Variants in SUSD5 observed in about 807,000 individuals in gnomAD.
The protein encoded by SUSD5 is sushi domain-containing protein 5.
A neutral mutation model predicts 29.5 loss-of-function variants in SUSD5; 33 were observed. The ratio of observed to expected loss-of-function variants is 1.12; its 90% confidence interval spans 0.85 to 1.49. The LOEUF is 1.49. SUSD5 is among the 40% of genes most tolerant of loss of function. The pLI, the probability that SUSD5 is intolerant of heterozygous loss-of-function variation, is 0.00. For synonymous variants in SUSD5, 308 were observed against 325.3 expected, an observed-to-expected ratio of 0.95 and a Z score of 0.57; for missense variants, 776 against 800.6, an observed-to-expected ratio of 0.97 and a Z score of 0.37.
chr3:33,170,713 C>G (rs1278844180), intron 4 of SUSD5, among the ~76,000 whole-genome samples: 2 of 152,224 alleles, frequency 1.3e-5, no homozygotes, highest in Non-Finnish European at 2.9e-5. Context: ...GAAAGGCCAG[C>G]TGCCGGTCTC....
Position 33,153,612 on chromosome 3 carries a change from G to A in SUSD5, c.1020C>T (p.Tyr340=), listed in dbSNP as rs376105657. 34 of 1,613,858 alleles carry A rather than the reference G, an allele frequency of 2.1e-5. No homozygotes were observed. Among genetic ancestry groups the A allele is most frequent in the Admixed American group, 3.3e-5 (2 of 60,000 alleles). ...GCCCCGAGGGACCATCAGTGTTGCC[G>A]TAGATCACCTTGGTTTCAGGTTCAC... ...VPGEPETKVI[Y]GNTDGPSGPF... Residue 340 remains tyrosine, a synonymous_variant, in exon 5 of 5, where the codon TAC becomes TAT. Coordinates refer to ENST00000309558, the MANE Select transcript of SUSD5 (RefSeq NM_015551.2).
intron 3 of SUSD5, among the ~76,000 whole-genome samples, chr3:33,192,211 C>T (rs112885716): frequency 6.0e-5 from 9 of 151,000 alleles, no homozygotes; most frequent in African/African-American, 2.2e-4. Context: ...GTAGCTGGGA[C>T]TACAGGCATG....
At chr3:33,205,725 G>A (rs1211791589) in intron 3 of SUSD5, among the ~76,000 whole-genome samples, 2 of 152,212 alleles carry the variant, frequency 1.3e-5, no homozygotes, top group Non-Finnish European at 2.9e-5. Flanking sequence ...AGTTGCCCTT[G>A]TCACCCAAGC....
At chr3:33,154,731 C>T (rs1421760622) in intron 4 of SUSD5, among the ~76,000 whole-genome samples, 1 of 151,824 alleles carries the variant, frequency 6.6e-6, no homozygotes, top group Non-Finnish European at 1.5e-5. Context: ...ATGTTCAAGA[C>T]TTCTACATGG....
intron 3 of SUSD5, among the ~76,000 whole-genome samples, chr3:33,185,426 G>A (rs1447723846): frequency 6.6e-6 from 1 of 152,228 alleles, no homozygotes; most frequent in African/African-American, 2.4e-5. Context: ...TCCCCCTGGA[G>A]TTTTTAACTC....
At chr3:33,164,030 C>T (rs547565918) in intron 4 of SUSD5, among the ~76,000 whole-genome samples, 82 of 151,588 alleles carry the variant, frequency 5.4e-4, no homozygotes, top group African/African-American at 1.9e-3. Context: ...AAAAATTACC[C>T]GGGTGTGGTT....
At chr3:33,156,988 C>T (rs1037937525) in intron 4 of SUSD5, among the ~76,000 whole-genome samples, 1 of 152,192 alleles carries the variant, frequency 6.6e-6, no homozygotes, top group African/African-American at 2.4e-5. Flanking sequence ...CCAATCACAC[C>T]CCATTGTGTC....
At position 33,153,618 on chromosome 3, in the gene SUSD5, C is replaced by G. The variant is rs749142647; in HGVS notation, c.1014G>C (p.Val338=). The change falls in exon 5 of 5, where the codon GTG becomes GTC. Residue 338 remains valine (V), a synonymous_variant. Coordinates refer to ENST00000309558, the MANE Select transcript of SUSD5 (RefSeq NM_015551.2). Reference sequence around the variant, plus strand: ...AGGGACCATCAGTGTTGCCGTAGATCACCTTGGTTTCAGGTTCACCTGGGA... The same window carrying G: ...AGGGACCATCAGTGTTGCCGTAGATGACCTTGGTTTCAGGTTCACCTGGGA... ...KLVPGEPETK[V]IYGNTDGPSG... is the part of the protein sequence containing the mutation. 1.2e-6 allele frequency: 2 copies of G among 1,613,940 alleles called. No homozygotes were observed. Among genetic ancestry groups the G allele is most frequent in the African/African-American group, 2.7e-5 (2 of 74,936 alleles).
chr3:33,216,933 G>A (rs2032437512), intron 1 of SUSD5, among the ~76,000 whole-genome samples: 1 of 152,298 alleles, frequency 6.6e-6, no homozygotes, highest in East Asian at 1.9e-4. Flanking sequence ...ATTGTCCACT[G>A]AGGAAGTGGG....
chr3:33,218,647 A>T, intron 1 of SUSD5, 39 bp downstream of exon 1: 1 of 1,242,460 alleles, frequency 8.0e-7, no homozygotes, highest in African/African-American at 1.6e-5. Flanking sequence ...CCCGGACCCC[A>T]CGCTCCACCC....
chr3:33,191,892 C>T (rs1575539388), intron 3 of SUSD5, among the ~76,000 whole-genome samples: 1 of 152,148 alleles, frequency 6.6e-6, no homozygotes, highest in Admixed American at 6.5e-5. Context: ...GAGCTATGAT[C>T]AAGCCACTGT....
intron 1 of SUSD5, 144 bp downstream of exon 1, chr3:33,218,542 C>T (rs1169724081): frequency 4.1e-6 from 3 of 739,322 alleles, no homozygotes; most frequent in Non-Finnish European, 5.6e-6. Flanking sequence ...GATGCTGGGT[C>T]GCAGGACCGC....
At chr3:33,168,330 G>T (rs1313278079) in intron 4 of SUSD5, among the ~76,000 whole-genome samples, 2 of 152,084 alleles carry the variant, frequency 1.3e-5, no homozygotes, top group Non-Finnish European at 2.9e-5. Context: ...AATAACTACT[G>T]GTTCAATAAA....
intron 3 of SUSD5, among the ~76,000 whole-genome samples, chr3:33,196,789 C>T (rs543807244): frequency 6.6e-6 from 1 of 152,272 alleles, no homozygotes; most frequent in East Asian, 1.9e-4. Flanking sequence ...AGGCAGGGCA[C>T]CCTAACATGA....
chr3:33,175,194 C>G lies in SUSD5; in HGVS notation c.410-120G>C, dbSNP rs1575533124. 5 of 1,094,736 alleles carry G rather than the reference C, an allele frequency of 4.6e-6. No homozygotes were observed. In the South Asian group the frequency reaches 8.0e-5, roughly 18 times the overall value. The allele number at this position is 1,094,736 out of a possible 1,614,324, so 67.8% of individuals were successfully genotyped here. On this transcript the variant is annotated intron_variant, in intron 3 of 4. Transcript: ENST00000309558. ...CCCACCGTACCCTCAACTGTGATCA[C>G]AGGGGCTGTTTCTTGGTCACCCTGG...
intron 3 of SUSD5, among the ~76,000 whole-genome samples, chr3:33,206,189 T>C (rs4078143): frequency 0.038 from 5,826 of 152,044 alleles, 321 homozygotes; most frequent in African/African-American, 0.13. Flanking sequence ...GCCTGGCCAA[T>C]ATGGTGAAAC....
At chr3:33,201,106 C>T (rs2032108617) in intron 3 of SUSD5, among the ~76,000 whole-genome samples, 1 of 152,218 alleles carries the variant, frequency 6.6e-6, no homozygotes, top group Non-Finnish European at 1.5e-5. Flanking sequence ...AGGCAAATAA[C>T]AGACTGCTAC....
chr3:33,168,953 C>G (rs1272927675), intron 4 of SUSD5, among the ~76,000 whole-genome samples: 1 of 151,764 alleles, frequency 6.6e-6, no homozygotes, highest in Non-Finnish European at 1.5e-5. Flanking sequence ...CCTGGCCAGA[C>G]ATGCCTGGTT....
At position 33,153,521 on chromosome 3, in the gene SUSD5, A is replaced by T. The variant is rs772120033; in HGVS notation, c.1111T>A (p.Leu371Ile). Residue 371 changes from leucine to isoleucine, a missense_variant, in exon 5 of 5, where the codon TTA becomes ATA. Leu to Ile is a conservative substitution (Grantham distance 5). Coordinates refer to ENST00000309558, the MANE Select transcript of SUSD5 (RefSeq NM_015551.2). ...PVVSSSDESW[L>I]DGYPVTEGAW... ...CCCTCTGTCACAGGGTAGCCATCTA[A>T]CCAGGACTCATCACTGCTGCTCACC... The T allele has an allele frequency of 2.5e-6, 4 of 1,613,802 alleles. No homozygotes were observed. The highest frequency in any genetic ancestry group is 3.4e-6 in the Non-Finnish European group (4 of 1,179,912).
Sources: allele counts gnomAD v4.1 joint callset (sites outside exome capture counted in the v4.1 genomes callset), GRCh38; gene constraint gnomAD v4.1.1; transcripts MANE v1.5; gene names NCBI Gene and HGNC (gene_info 2026-07-23, HGNC 2026-07-21).